Variants in FAAH2 observed in about 807,000 individuals in gnomAD.
FAAH2 encodes the protein fatty-acid amide hydrolase 2.
FAAH2 carries 60 observed loss-of-function variants against 36.9 expected under a neutral mutation model. The ratio of observed to expected loss-of-function variants is 1.63; its 90% confidence interval spans 1.32 to 2.02. FAAH2 has a LOEUF of 2.02. Among genes scored for constraint, FAAH2 ranks in the 30% most tolerant of loss-of-function variants. The pLI, the probability that FAAH2 is intolerant of heterozygous loss-of-function variation, is 0.00. For synonymous variants in FAAH2, 214 were observed against 143.8 expected, an observed-to-expected ratio of 1.49 and a Z score of -3.49; for missense variants, 689 against 397.5, an observed-to-expected ratio of 1.73 and a Z score of -6.23.
chrX:57,139,314 T>G, the FAAH2 span, among the ~76,000 whole-genome samples: 5 of 112,333 alleles, frequency 4.5e-5, no homozygotes, highest in African/African-American at 1.6e-4. Context: ...ACAGAGAGTG[T>G]CCTTTCTATA....
intron 5 of FAAH2, among the ~76,000 whole-genome samples, chrX:57,376,074 T>G (rs2054667572): frequency 9.0e-6 from 1 of 111,516 alleles, no homozygotes; most frequent in Non-Finnish European, 1.9e-5. Flanking sequence ...TTATTCTGTT[T>G]CATTATCTTA....
chrX:57,247,780 C>A, the FAAH2 span, among the ~76,000 whole-genome samples: 1 of 112,109 alleles, frequency 8.9e-6, no homozygotes, highest in Non-Finnish European at 1.9e-5. Flanking sequence ...ATGACCACAC[C>A]TAGCTGCATG....
intron 7 of FAAH2, among the ~76,000 whole-genome samples, chrX:57,422,282 T>C (rs2056057170): frequency 8.9e-6 from 1 of 111,931 alleles, no homozygotes; most frequent in Non-Finnish European, 1.9e-5. Flanking sequence ...TAAATGGGGA[T>C]GTGATGGGAA....
chrX:57,355,502 A>T (rs1369113582), intron 5 of FAAH2, among the ~76,000 whole-genome samples: 1 of 111,093 alleles, frequency 9.0e-6, no homozygotes, highest in Non-Finnish European at 1.9e-5. Context: ...CAATGTACAA[A>T]TATTTTTCCT....
the FAAH2 span, among the ~76,000 whole-genome samples, chrX:57,160,891 C>T: frequency 9.0e-6 from 1 of 111,509 alleles, no homozygotes; most frequent in Non-Finnish European, 1.9e-5. Flanking sequence ...TTATTTCTTG[C>T]CTTCTGCTAG....
chrX:57,347,969 T>A (rs759667004), intron 5 of FAAH2, among the ~76,000 whole-genome samples: 2 of 111,033 alleles, frequency 1.8e-5, no homozygotes, highest in Non-Finnish European at 3.8e-5. Context: ...AGTAGTTATC[T>A]GTGGTTTGTT....
the FAAH2 span, among the ~76,000 whole-genome samples, chrX:57,157,679 G>A: frequency 2.7e-5 from 3 of 111,735 alleles, no homozygotes; most frequent in African/African-American, 9.8e-5. Flanking sequence ...CAAGTACTGT[G>A]ATCAATCACC....
chrX:57,247,689 A>T, the FAAH2 span, among the ~76,000 whole-genome samples: 1 of 112,236 alleles, frequency 8.9e-6, no homozygotes, highest in African/African-American at 3.2e-5. Flanking sequence ...GACAGGGAGA[A>T]GTAAAAGACC....
At chrX:57,174,056 G>A in the FAAH2 span, among the ~76,000 whole-genome samples, 31,799 of 109,637 alleles carry the variant, frequency 0.29, 3,607 homozygotes, top group Middle Eastern at 0.57. Flanking sequence ...CCTGGCTTTG[G>A]TATCAGGGTA....
chrX:57,255,020 C>T, the FAAH2 span, among the ~76,000 whole-genome samples: 1 of 110,608 alleles, frequency 9.0e-6, no homozygotes, highest in African/African-American at 3.3e-5. Context: ...ATTGATAGAC[C>T]ACTAGCCTAG....
At chrX:57,474,600 G>A (rs1303257696) in intron 10 of FAAH2, among the ~76,000 whole-genome samples, 1 of 111,707 alleles carries the variant, frequency 9.0e-6, no homozygotes, top group Non-Finnish European at 1.9e-5. Flanking sequence ...TCTTTACCTA[G>A]TCTATCACTG....
chrX:57,180,092 A>T, the FAAH2 span, among the ~76,000 whole-genome samples: 1 of 112,041 alleles, frequency 8.9e-6, no homozygotes, highest in African/African-American at 3.2e-5. Context: ...AACATACCAG[A>T]ATTTCTGGGA....
chrX:57,222,382 T>C, the FAAH2 span, among the ~76,000 whole-genome samples: 1 of 111,190 alleles, frequency 9.0e-6, no homozygotes, highest in Non-Finnish European at 1.9e-5. Flanking sequence ...TCTCCCTCTA[T>C]ATCGACAGAT....
chrX:57,287,935 C>A (rs1047399772), intron 1 of FAAH2, among the ~76,000 whole-genome samples: 3 of 111,391 alleles, frequency 2.7e-5, no homozygotes, highest in Non-Finnish European at 5.6e-5. Context: ...CTCCTGGTTA[C>A]CTTTCAAAGA....
At chrX:57,366,414 C>T (rs770585803) in intron 5 of FAAH2, among the ~76,000 whole-genome samples, 1 of 112,042 alleles carries the variant, frequency 8.9e-6, no homozygotes, top group South Asian at 3.7e-4. Context: ...ATATCTGTTG[C>T]CCTGGAGGGG....
intron 1 of FAAH2, among the ~76,000 whole-genome samples, chrX:57,287,678 A>G (rs1240048114): frequency 8.9e-6 from 1 of 111,897 alleles, no homozygotes; most frequent in Non-Finnish European, 1.9e-5. Context: ...TTCGTTCTCT[A>G]TAGAATTGTG....
chrX:57,182,147 T>G, the FAAH2 span, among the ~76,000 whole-genome samples: 307 of 111,993 alleles, frequency 2.7e-3, no homozygotes, highest in African/African-American at 9.3e-3. Context: ...GGAGACAACC[T>G]AGGGAATATC....
At chrX:57,442,339 A>T (rs1206092912) in intron 8 of FAAH2, among the ~76,000 whole-genome samples, 1 of 111,791 alleles carries the variant, frequency 8.9e-6, no homozygotes, top group African/African-American at 3.3e-5. Context: ...CTTCTTGTTG[A>T]ATTGATCCCT....
At chrX:57,184,125 C>A in the FAAH2 span, among the ~76,000 whole-genome samples, 1 of 111,261 alleles carries the variant, frequency 9.0e-6, no homozygotes, top group African/African-American at 3.3e-5. Context: ...AATACATGCA[C>A]CACTGAACAT....
Sources: gnomAD v4.1 joint callset for allele counts (sites outside exome capture counted in the v4.1 genomes callset) on GRCh38, gnomAD v4.1.1 for gene constraint, MANE v1.5 for transcripts, NCBI Gene and HGNC (gene_info 2026-07-23, HGNC 2026-07-21) for gene names.